GLDN: variants seen among roughly 807,000 people sequenced by gnomAD.
GLDN encodes collomin.
In GLDN, 47 loss-of-function variants were observed where a neutral mutation model predicts 56.5. That is an observed-to-expected ratio of 0.83 (90% confidence interval 0.66 to 1.06). The LOEUF (loss-of-function observed/expected upper bound fraction) is 1.06. Among genes scored for constraint, GLDN ranks in the 50% least tolerant of loss-of-function variants. The pLI, the probability that GLDN is intolerant of heterozygous loss-of-function variation, is 0.00. For synonymous variants in GLDN, 332 were observed against 278.8 expected, an observed-to-expected ratio of 1.19 and a Z score of -1.90; for missense variants, 782 against 714.3, an observed-to-expected ratio of 1.09 and a Z score of -1.08.
chr15:51,341,734 G>T lies in GLDN; in HGVS notation c.50G>T (p.Arg17Leu). Residue 17 changes from arginine (R) to leucine (L), a missense_variant, in exon 1 of 10, where the codon CGT becomes CTT. Coordinates refer to ENST00000335449, the MANE Select transcript of GLDN (RefSeq NM_181789.4). ...CGTGGGGACGCGGGTTGGGGCCTGC[G>T]TGGCGCCCTGGCGGCCGTGGCGCTG... ...GGRGDAGWGL[R>L]GALAAVALLS... The T allele has an allele frequency of 6.9e-7, 1 of 1,459,218 alleles. No homozygotes were observed. Among genetic ancestry groups the T allele is most frequent in the Non-Finnish European group, 8.9e-7 (1 of 1,118,334 alleles). The allele number at this position is 1,459,218 out of a possible 1,614,324, so 90.4% of individuals were successfully genotyped here.
chr15:51,390,627 C>T lies in GLDN; in HGVS notation c.542-4208C>T, dbSNP rs180744923. ...TTGTGTGACACTCTCTGGCCCCTTT[C>T]CCCCGCCTTAGCAACAAATGATACT... On this transcript the variant is annotated intron_variant, in intron 4 of 9. Transcript: ENST00000335449. Among the ~76,000 whole-genome samples, 270 of 152,234 alleles carry T rather than the reference C, an allele frequency of 1.8e-3. 2 individuals carry two copies. Among genetic ancestry groups the T allele is most frequent in the African/African-American group, 6.3e-3 (262 of 41,526 alleles).
chr15:51,399,613 T>C (rs917977731), intron 6 of GLDN, among the ~76,000 whole-genome samples: 8 of 152,172 alleles, frequency 5.3e-5, no homozygotes, highest in African/African-American at 1.9e-4. Context: ...ACAGAGACAG[T>C]GGGGAAATGG....
intron 2 of GLDN, among the ~76,000 whole-genome samples, chr15:51,379,872 T>C (rs189359640): frequency 3.6e-4 from 55 of 152,302 alleles, no homozygotes; most frequent in Non-Finnish European, 7.4e-5. Context: ...TCTTCCACAG[T>C]CTTGACCTGT....
intron 1 of GLDN, among the ~76,000 whole-genome samples, chr15:51,349,233 A>C (rs1343424279): frequency 6.6e-6 from 1 of 152,278 alleles, no homozygotes; most frequent in East Asian, 1.9e-4. Flanking sequence ...AAAAAAAATC[A>C]CATTACCTAC....
chr15:51,395,110 T>A (rs1035226654), intron 5 of GLDN, 129 bp downstream of exon 5: 3 of 921,468 alleles, frequency 3.3e-6, no homozygotes, highest in Non-Finnish European at 3.1e-6. Flanking sequence ...TTTTGCAGCA[T>A]GTTTTGGAGT....
chr15:51,383,602 T>G, intron 3 of GLDN, 149 bp downstream of exon 3: 1 of 1,067,088 alleles, frequency 9.4e-7, no homozygotes, highest in Non-Finnish European at 1.4e-6. Context: ...CCTGAGGCTC[T>G]GCCATCACCA....
chr15:51,351,222 G>A (rs1016593097), intron 1 of GLDN: 4 of 226,502 alleles, frequency 1.8e-5, no homozygotes, highest in Non-Finnish European at 2.7e-5. Flanking sequence ...TGTTGCCCAC[G>A]GTGGACTGGA....
At chr15:51,394,239 C>A (rs1261268607) in intron 4 of GLDN, among the ~76,000 whole-genome samples, 1 of 152,224 alleles carries the variant, frequency 6.6e-6, no homozygotes, top group Non-Finnish European at 1.5e-5. Context: ...TCCTTACCTT[C>A]TTTCCACTGT....
chr15:51,413,010 A>G, the GLDN span, among the ~76,000 whole-genome samples: 3 of 152,258 alleles, frequency 2.0e-5, 1 homozygote, highest in South Asian at 6.2e-4. Flanking sequence ...ATTTCATGCA[A>G]TGGATATGCA....
intron 1 of GLDN, among the ~76,000 whole-genome samples, chr15:51,353,704 C>G (rs1315296436): frequency 8.1e-5 from 9 of 110,850 alleles, no homozygotes; most frequent in African/African-American, 3.1e-4. Flanking sequence ...GAACAGTCCT[C>G]GGATTTGATT....
intron 4 of GLDN, among the ~76,000 whole-genome samples, chr15:51,393,835 T>C (rs2038070849): frequency 6.6e-6 from 1 of 152,238 alleles, no homozygotes; most frequent in South Asian, 2.1e-4. Context: ...TTTCTAGCAA[T>C]GTGCGGAGGA....
chr15:51,384,046 G>C, intron 4 of GLDN, 154 bp downstream of exon 4: 1 of 701,992 alleles, frequency 1.4e-6, no homozygotes, highest in South Asian at 1.5e-5. Context: ...TTGCGTTCCG[G>C]GATACCAAGG....
Position 51,404,258 on chromosome 15 carries a change from C to T in GLDN, c.1179-19C>T. 1 of 1,540,078 alleles carries T rather than the reference C, an allele frequency of 6.5e-7. No individual in the cohort carries two copies. The highest frequency in any genetic ancestry group is 2.2e-5 in the East Asian group (1 of 44,496). ...GAAACGGTGATTCATGTCTACTTTTCTTTGTTTGCATATTTCAGATTTGAA... is the reference window on the plus strand; with the variant it reads ...GAAACGGTGATTCATGTCTACTTTTTTTTGTTTGCATATTTCAGATTTGAA... On this transcript the variant is annotated intron_variant, in intron 9 of 9. Transcript: ENST00000335449.
At chr15:51,365,791 T>G (rs917949690) in intron 1 of GLDN, among the ~76,000 whole-genome samples, 1 of 151,616 alleles carries the variant, frequency 6.6e-6, no homozygotes, top group African/African-American at 2.4e-5. Flanking sequence ...GGGTTCTTCT[T>G]CTGCTTTTAT....
At chr15:51,382,615 A>G (rs919524884) in intron 2 of GLDN, among the ~76,000 whole-genome samples, 1 of 151,182 alleles carries the variant, frequency 6.6e-6, no homozygotes, top group Non-Finnish European at 1.5e-5. Flanking sequence ...AGTCCCAGCT[A>G]CTCGGGAGGC....
chr15:51,412,464 T>C (rs1006809786), downstream of GLDN, among the ~76,000 whole-genome samples: 4 of 152,238 alleles, frequency 2.6e-5, no homozygotes, highest in African/African-American at 4.8e-5. Context: ...CTGATCCCTT[T>C]GGTAAAAGAT....
At chr15:51,408,898 A>G (rs1442053590), downstream of GLDN, among the ~76,000 whole-genome samples, 1 of 151,908 alleles carries the variant, frequency 6.6e-6, no homozygotes, top group East Asian at 1.9e-4. Flanking sequence ...TCCATGGTGT[A>G]TATGTGCCAC....
chr15:51,356,905 G>A (rs1451902334), intron 1 of GLDN, among the ~76,000 whole-genome samples: 1 of 152,170 alleles, frequency 6.6e-6, no homozygotes, highest in African/African-American at 2.4e-5. Flanking sequence ...AAAAGAATTT[G>A]GAGATAAATC....
At chr15:51,354,134 C>T (rs181331362) in intron 1 of GLDN, among the ~76,000 whole-genome samples, 2 of 152,228 alleles carry the variant, frequency 1.3e-5, no homozygotes, top group African/African-American at 2.4e-5. Context: ...GTTCTGAATC[C>T]GATAGAGCAA....
Sources: gnomAD v4.1 joint callset for allele counts (sites outside exome capture counted in the v4.1 genomes callset) on GRCh38, gnomAD v4.1.1 for gene constraint, MANE v1.5 for transcripts, NCBI Gene and HGNC (gene_info 2026-07-23, HGNC 2026-07-21) for gene names.